KCNK1: variants seen among roughly 807,000 people sequenced by gnomAD.
KCNK1 encodes potassium channel subfamily K member 1.
A neutral mutation model predicts 22.2 loss-of-function variants in KCNK1; 10 were observed. That is an observed-to-expected ratio of 0.45 (90% CI 0.28 to 0.76). KCNK1 has a LOEUF of 0.76. Among genes scored for constraint, KCNK1 ranks in the 30% least tolerant of loss-of-function variants. The probability of loss-of-function intolerance (pLI) is 0.14; values close to 1 mark genes in which losing one functional copy is unlikely to be tolerated. For missense variants in KCNK1, 378 were observed against 421.0 expected (o/e 0.90, Z 0.89); for synonymous variants, 200 against 186.4 (o/e 1.07, Z -0.60).
intron 1 of KCNK1, among the ~76,000 whole-genome samples, chr1:233,641,476 T>G (rs561275549): frequency 6.6e-6 from 1 of 152,312 alleles, no homozygotes; most frequent in South Asian, 2.1e-4. Flanking sequence ...GCAGCTGCAG[T>G]AAACAAAAAT....
intron 1 of KCNK1, among the ~76,000 whole-genome samples, chr1:233,661,415 T>A (rs1441559787): frequency 6.6e-6 from 1 of 152,216 alleles, no homozygotes; most frequent in Non-Finnish European, 1.5e-5. Context: ...TCTTTGCTTG[T>A]TAGCAAGAAA....
At chr1:233,618,911 C>A (rs1430931777) in intron 1 of KCNK1, among the ~76,000 whole-genome samples, 1 of 152,144 alleles carries the variant, frequency 6.6e-6, no homozygotes, top group African/African-American at 2.4e-5. Flanking sequence ...AAAAACAAAA[C>A]AAAACAAAAA....
At chr1:233,623,327 A>C (rs1389324089) in intron 1 of KCNK1, among the ~76,000 whole-genome samples, 1 of 152,210 alleles carries the variant, frequency 6.6e-6, no homozygotes, top group East Asian at 1.9e-4. Flanking sequence ...ACAGGATACA[A>C]AATTACAGCT....
At chr1:233,650,353 G>C (rs981806351) in intron 1 of KCNK1, among the ~76,000 whole-genome samples, 2 of 152,126 alleles carry the variant, frequency 1.3e-5, no homozygotes, top group African/African-American at 4.8e-5. Flanking sequence ...TTTAATTACT[G>C]TCAGGGACCA....
At position 233,670,795 on chromosome 1, in the gene KCNK1, T is replaced by C. The variant is rs368786009; in HGVS notation, c.752-476T>C. On this transcript the variant is annotated intron_variant, in intron 2 of 2. Coordinates refer to ENST00000366621, the MANE Select transcript of KCNK1 (RefSeq NM_002245.4). ...CTGCAATTTCTATTATAAACTCTTATTCTATAATAGAAATTGTAAGAGTAT... is the reference window on the plus strand; with the variant it reads ...CTGCAATTTCTATTATAAACTCTTACTCTATAATAGAAATTGTAAGAGTAT... 1.2e-4 allele frequency among the ~76,000 whole-genome samples: 19 copies of C among 152,334 alleles called. No individual in the cohort carries two copies. In the East Asian group the frequency reaches 3.7e-3, roughly 29 times the overall value.
chr1:233,661,670 T>C (rs1159017081), intron 1 of KCNK1, among the ~76,000 whole-genome samples: 1 of 152,188 alleles, frequency 6.6e-6, no homozygotes, highest in Non-Finnish European at 1.5e-5. Flanking sequence ...GGCAAACTTC[T>C]TTTTATAACA....
Position 233,614,158 on chromosome 1 carries a change from C to CTTTGGCGGT in KCNK1, c.-14_-13insTTTGGCGGT. 1 of 1,096,810 alleles carries CTTTGGCGGT rather than the reference C, an allele frequency of 9.1e-7. No individual in the cohort carries two copies. Among genetic ancestry groups the CTTTGGCGGT allele is most frequent in the African/African-American group, 3.6e-5 (1 of 27,626 alleles). 67.9% of individuals were successfully genotyped at this position (1,096,810 alleles called of 1,614,324 possible). A position where few individuals can be genotyped will look rare whatever the true frequency, so the allele number is the denominator to read the frequency against. Reference sequence around the variant, plus strand: ...CGGTCTGCGGCGTTGGCCTTGGCGGCGGCGGTGGAGAAGATGCTGCAGTCC... The same window carrying CTTTGGCGGT: ...CGGTCTGCGGCGTTGGCCTTGGCGGCTTTGGCGGTGGCGGTGGAGAAGATGCTGCAGTCC... On this transcript the variant is annotated 5_prime_UTR_variant, in exon 1 of 3. Coordinates refer to ENST00000366621, the MANE Select transcript of KCNK1 (RefSeq NM_002245.4).
chr1:233,633,878 A>G (rs934461597), intron 1 of KCNK1, among the ~76,000 whole-genome samples: 20 of 152,204 alleles, frequency 1.3e-4, no homozygotes, highest in Non-Finnish European at 2.2e-4. Context: ...TGAAATTAAC[A>G]TAGTCACACA....
In KCNK1 at chr1:233,666,823, T is replaced by G. The variant is rs144208227; in HGVS notation, c.584T>G (p.Phe195Cys). ...CTTGGGTTTGTCACTGTGTCCTGCT[T>G]CTTCTTCATCCCGGCCGCTGTCTTC... ...VLLGFVTVSC[F>C]FFIPAAVFSV... The change falls in exon 2 of 3, where the codon TTC (phenylalanine) becomes TGC (cysteine). Residue 195 changes from phenylalanine (F) to cysteine (C), a missense_variant. Transcript: ENST00000366621. 83 of 1,614,222 alleles carry G rather than the reference T, an allele frequency of 5.1e-5. No homozygotes were observed. The highest frequency in any genetic ancestry group is 1.6e-4 in the Middle Eastern group (1 of 6,062).
intron 1 of KCNK1, among the ~76,000 whole-genome samples, chr1:233,662,293 CTCTTCT>C (rs778173214): frequency 2.0e-5 from 3 of 149,686 alleles, no homozygotes; most frequent in South Asian, 2.1e-4. Context: ...CCTCCTCTTC[CTCTTCT>C]TCTTCTTTTT....
At chr1:233,618,861 C>T (rs901481725) in intron 1 of KCNK1, among the ~76,000 whole-genome samples, 2 of 151,866 alleles carry the variant, frequency 1.3e-5, no homozygotes, top group African/African-American at 2.4e-5. Context: ...TCCAGCCTGG[C>T]GACAGAGCAA....
intron 1 of KCNK1, among the ~76,000 whole-genome samples, chr1:233,638,757 C>T (rs1169159387): frequency 6.6e-6 from 1 of 152,166 alleles, no homozygotes; most frequent in African/African-American, 2.4e-5. Context: ...GGCTCGATGA[C>T]TAAGTGAGGC....
At chr1:233,628,800 C>T (rs550688804) in intron 1 of KCNK1, among the ~76,000 whole-genome samples, 16 of 131,204 alleles carry the variant, frequency 1.2e-4, no homozygotes, top group African/African-American at 3.3e-4. Context: ...AAAGCCCAAC[C>T]TAATGTAGTG....
At chr1:233,646,957 T>G (rs1658110865) in intron 1 of KCNK1, among the ~76,000 whole-genome samples, 1 of 152,156 alleles carries the variant, frequency 6.6e-6, no homozygotes, top group Non-Finnish European at 1.5e-5. Flanking sequence ...ATTTTGAGCC[T>G]ATAGATCTTC....
rs139235616 is a variant in KCNK1, at chr1:233,666,792, G to A, written c.553G>A (p.Val185Met). Residue 185 changes from valine to methionine, a missense_variant, in exon 2 of 3, where the codon GTG (valine) becomes ATG (methionine). Val to Met is a conservative substitution (Grantham distance 21, BLOSUM62 1). Transcript: ENST00000366621. ...GCAGGTGGTGGCCATCGTCCATGCCGTGCTCCTTGGGTTTGTCACTGTGTC... is the reference window on the plus strand; with the variant it reads ...GCAGGTGGTGGCCATCGTCCATGCCATGCTCCTTGGGTTTGTCACTGTGTC... ...SKQVVAIVHAVLLGFVTVSCF... is the reference protein window; with the variant it reads ...SKQVVAIVHAMLLGFVTVSCF... 2.2e-5 allele frequency: 35 copies of A among 1,614,052 alleles called. No individual in the cohort carries two copies. The highest frequency in any genetic ancestry group is 1.6e-4 in the Middle Eastern group (1 of 6,084).
chr1:233,633,864 G>T (rs866259291), intron 1 of KCNK1, among the ~76,000 whole-genome samples: 1 of 152,092 alleles, frequency 6.6e-6, no homozygotes, highest in African/African-American at 2.4e-5. Context: ...CTAGCATGAG[G>T]GAGTGAAATT....
At chr1:233,651,126 C>T (rs565210740) in intron 1 of KCNK1, among the ~76,000 whole-genome samples, 136 of 152,292 alleles carry the variant, frequency 8.9e-4, no homozygotes, top group Non-Finnish European at 1.6e-3. Flanking sequence ...GTAAACGGTG[C>T]GTCTTCTTGT....
Position 233,671,374 on chromosome 1 carries a change from C to T in KCNK1, c.855C>T (p.Asp285=), listed in dbSNP as rs1558122049. The T allele has an allele frequency of 3.1e-6, 5 of 1,614,170 alleles. No individual in the cohort carries two copies. The highest frequency in any genetic ancestry group is 4.2e-6 in the Non-Finnish European group (5 of 1,180,030). The change falls in exon 3 of 3, where the codon GAC becomes GAT. Residue 285 remains aspartate, a synonymous_variant. Coordinates refer to ENST00000366621, the MANE Select transcript of KCNK1 (RefSeq NM_002245.4). The part of the protein sequence containing the change: ...KFRKMFYVKK[D]KDEDQVHIIE... Reference sequence around the variant, plus strand: ...GAAAAATGTTCTATGTGAAGAAGGACAAGGACGAGGATCAGGTGCACATCA... The same window carrying T: ...GAAAAATGTTCTATGTGAAGAAGGATAAGGACGAGGATCAGGTGCACATCA...
Position 233,664,522 on chromosome 1 carries a change from T to TCAAAAC in KCNK1, c.356-2073_356-2072insCAAAAC, listed in dbSNP as rs1658455724. Among the ~76,000 whole-genome samples, 3 of 152,030 alleles carry TCAAAAC rather than the reference T, an allele frequency of 2.0e-5. No individual in the cohort carries two copies. The South Asian group carries it at 6.2e-4, about 32-fold the overall frequency. ...CAGGAGCCAACACTCAGAACAAGAG[T>TCAAAAC]AGTTCTTAACCATTTGAGGACGCGT... is the stretch of plus-strand genomic sequence containing the variant. On this transcript the variant is annotated intron_variant, in intron 1 of 2. Coordinates refer to ENST00000366621, the MANE Select transcript of KCNK1 (RefSeq NM_002245.4).
Sources: gnomAD v4.1 joint callset for allele counts (sites outside exome capture counted in the v4.1 genomes callset) on GRCh38, gnomAD v4.1.1 for gene constraint, MANE v1.5 for transcripts, NCBI Gene and HGNC (gene_info 2026-07-23, HGNC 2026-07-21) for gene names.